Variants in RENBP observed in about 807,000 individuals in gnomAD.
RENBP encodes the protein renin binding protein.
RENBP carries 16 observed loss-of-function variants against 37.8 expected under a neutral mutation model. That is an observed-to-expected ratio of 0.42 (90% CI 0.29 to 0.64). RENBP has a LOEUF of 0.64. RENBP is among the 30% of genes least tolerant of loss of function. The pLI is 0.19. For missense variants in RENBP, 347 were observed against 379.5 expected (o/e 0.91, Z 0.71); for synonymous variants, 170 against 154.8 (o/e 1.10, Z -0.73).
chrX:153,939,959 G>T (rs782582701), intron 9 of RENBP, 143 bp downstream of exon 9: 6 of 759,181 alleles, frequency 7.9e-6, no homozygotes, highest in Non-Finnish European at 9.6e-6. Flanking sequence ...CTTCTTCGTT[G>T]ACTGAACGAA....
Position 153,943,650 on chromosome X carries a change from G to A in RENBP, c.358C>T (p.Arg120Trp), listed in dbSNP as rs781907475. The A allele has an allele frequency of 2.5e-6, 3 of 1,211,479 alleles. No individual in the cohort carries two copies. Among genetic ancestry groups the A allele is most frequent in the South Asian group, 1.8e-5 (1 of 57,048 alleles). ...PGKKCAFVLT[R>W]DGRPVKVQRT... ...TGCACCTTGACCGGGCGGCCGTCCC[G>A]AGTCAGCACAAAGGCACACTTCTTG... The change falls in exon 5 of 11, where the codon CGG becomes TGG. Residue 120 changes from arginine to tryptophan, a missense_variant. Physicochemically the swap from Arg to Trp is moderately radical, Grantham distance 101 (BLOSUM62 -3). Around this residue, in one of 3 missense-constraint regions of RENBP, gnomAD observed 244 missense variants for 279.4 expected, o/e 0.87. Coordinates refer to ENST00000393700, the MANE Select transcript of RENBP (RefSeq NM_002910.6).
chrX:153,944,538 C>T (rs1557110269), intron 1 of RENBP, 46 bp downstream of exon 1: 2 of 1,171,100 alleles, frequency 1.7e-6, no homozygotes, highest in African/African-American at 1.8e-5. Context: ...TCACCATCCC[C>T]GGGACCCTCC....
intron 8 of RENBP, among the ~76,000 whole-genome samples, chrX:153,940,829 T>C (rs955391392): frequency 7.2e-5 from 8 of 111,653 alleles, no homozygotes; most frequent in Admixed American, 5.7e-4. Context: ...TAGCATATCA[T>C]CAAGAAATAA....
chrX:153,944,015 T>C (rs1225037982), intron 3 of RENBP, 45 bp from the exon 4 acceptor site: 2 of 1,200,863 alleles, frequency 1.7e-6, no homozygotes, highest in African/African-American at 3.5e-5. Flanking sequence ...CCGGCTGGGG[T>C]GAGGTGGGGA....
intron 8 of RENBP, 131 bp from the exon 9 acceptor site, chrX:153,940,364 C>A: frequency 6.4e-6 from 5 of 784,560 alleles, no homozygotes; most frequent in East Asian, 6.7e-5. Context: ...TCTGAAGGAC[C>A]CCTCCCAGTG....
intron 9 of RENBP, among the ~76,000 whole-genome samples, chrX:153,939,316 G>A (rs1023505640): frequency 1.1e-4 from 12 of 111,771 alleles, no homozygotes; most frequent in African/African-American, 2.9e-4. Context: ...TGAAGTCCTC[G>A]GTTCAAGCGA....
chrX:153,943,828 G>A (rs1351147789), intron 4 of RENBP, 67 bp downstream of exon 4: 16 of 1,167,406 alleles, frequency 1.4e-5, no homozygotes, highest in Non-Finnish European at 1.8e-5. Context: ...TAGGAACTCC[G>A]CACATGTGCC....
chrX:153,938,956 G>A (rs1165838027), intron 9 of RENBP, among the ~76,000 whole-genome samples: 1 of 107,491 alleles, frequency 9.3e-6, no homozygotes, highest in Non-Finnish European at 1.9e-5. Flanking sequence ...ACCACGCTTG[G>A]CTAATTTTTG....
chrX:153,935,984 C>G (rs781940816), intron 9 of RENBP: 1 of 205,062 alleles, frequency 4.9e-6, no homozygotes, highest in African/African-American at 3.1e-5. Flanking sequence ...ACAAAATTAG[C>G]CGGACGTGGT....
At chrX:153,938,175 G>A (rs191777761) in intron 9 of RENBP, among the ~76,000 whole-genome samples, 1 of 112,728 alleles carries the variant, frequency 8.9e-6, no homozygotes, top group East Asian at 2.8e-4. Flanking sequence ...AGATATAGCT[G>A]CAGGTCTAAC....
rs1603292153 is a variant in RENBP at position 153,941,860 on chromosome X, C to T, written c.769+90G>A. ...CGCTCCTCTGCCTCCTCAAGGCGCCCCCGCCAGGCACTCCCATATCTGAAG... is the reference window on the plus strand; with the variant it reads ...CGCTCCTCTGCCTCCTCAAGGCGCCTCCGCCAGGCACTCCCATATCTGAAG... On this transcript the variant is annotated intron_variant, in intron 7 of 10. Transcript: ENST00000393700. 3 of 896,620 alleles carry T rather than the reference C, an allele frequency of 3.3e-6. No individual in the cohort carries two copies. The East Asian group carries it at 9.3e-5, about 28-fold the overall frequency. 73.9% of individuals were successfully genotyped at this position (896,620 alleles called of 1,213,427 possible).
At chrX:153,939,337 T>C in intron 9 of RENBP, among the ~76,000 whole-genome samples, 1 of 112,192 alleles carries the variant, frequency 8.9e-6, no homozygotes, top group East Asian at 2.8e-4. Flanking sequence ...TCCTCCCGTC[T>C]CAGCCTGCCA....
At chrX:153,942,601 T>G in intron 6 of RENBP, 1 of 403,504 alleles carries the variant, frequency 2.5e-6, no homozygotes, top group East Asian at 4.3e-5. Flanking sequence ...GGGTGAAACA[T>G]TGAATGGGGA....
chrX:153,935,492 T>C lies in RENBP; in HGVS notation c.1162A>G (p.Lys388Glu). Residue 388 changes from lysine (K) to glutamate (E), a missense_variant, in exon 10 of 11, where the codon AAA becomes GAA. Coordinates refer to ENST00000393700, the MANE Select transcript of RENBP (RefSeq NM_002910.6). ...VALSIKGGPFKGCFHVPRCLA... is the reference protein window; with the variant it reads ...VALSIKGGPFEGCFHVPRCLA... ...CCCCGCCCTCTCCCCCACTCACCTT[T>C]GAAAGGACCTCCCTTGATGGAGAGG... 1 of 1,206,635 alleles carries C rather than the reference T, an allele frequency of 8.3e-7. No individual in the cohort carries two copies. The highest frequency in any genetic ancestry group is 1.1e-6 in the Non-Finnish European group (1 of 891,452).
At chrX:153,940,365 C>A in intron 8 of RENBP, 132 bp from the exon 9 acceptor site, 2 of 769,094 alleles carry the variant, frequency 2.6e-6, no homozygotes, top group East Asian at 6.7e-5. Flanking sequence ...CTGAAGGACC[C>A]CTCCCAGTGA....
rs782754400 is a variant in RENBP, at chrX:153,943,040, C to T, written c.502G>A (p.Val168Met). The T allele has an allele frequency of 5.1e-5, 61 of 1,189,629 alleles. No individual in the cohort carries two copies. The highest frequency in any genetic ancestry group is 3.1e-4 in the South Asian group (17 of 54,502). Residue 168 changes from valine to methionine, a missense_variant, in exon 6 of 11, where the codon GTG becomes ATG. Val to Met is a conservative substitution (Grantham distance 21). This residue lies in a region of RENBP where 244 missense variants were observed against 279.4 expected (regional missense o/e 0.87). Transcript: ENST00000393700. ...CCCAGTCCCGACGCGTCCTCCTGCACCCAGTGGACGATCTGATCCATCATC... is the reference window on the plus strand; with the variant it reads ...CCCAGTCCCGACGCGTCCTCCTGCATCCAGTGGACGATCTGATCCATCATC... ...VEMMDQIVHW[V>M]QEDASGLGRP...
Position 153,943,927 on chromosome X carries a change from C to T in RENBP, c.257G>A (p.Arg86His), listed in dbSNP as rs374974369. ...CRLYRTFERF[R>H]HAQLLDAAKA... ...TGCTGCGTCCAGAAGCTGAGCATGGCGGAAGCGCTCGAAAGTGCGGTACAG... is the reference window on the plus strand; with the variant it reads ...TGCTGCGTCCAGAAGCTGAGCATGGTGGAAGCGCTCGAAAGTGCGGTACAG... The change falls in exon 4 of 11, where the codon CGC becomes CAC. Residue 86 changes from arginine to histidine, a missense_variant. Physicochemically the swap from Arg to His is conservative, Grantham distance 29 (BLOSUM62 0). Transcript: ENST00000393700. The T allele has an allele frequency of 5.2e-5, 61 of 1,183,224 alleles. No homozygotes were observed. Among genetic ancestry groups the T allele is most frequent in the African/African-American group, 7.1e-5 (4 of 56,661 alleles).
Position 153,943,024 on chromosome X carries a change from G to A in RENBP, c.518C>T (p.Ser173Leu), listed in dbSNP as rs913059116. Residue 173 changes from serine to leucine, a missense_variant, in exon 6 of 11, where the codon TCG becomes TTG. By Grantham distance (145) the Ser-to-Leu change is moderately radical. Around this residue, in one of 3 missense-constraint regions of RENBP, gnomAD observed 244 missense variants for 279.4 expected, o/e 0.87. Transcript: ENST00000393700. Reference sequence around the variant, plus strand: ...CTGGAGCTGGGGCCGGCCCAGTCCCGACGCGTCCTCCTGCACCCAGTGGAC... The same window carrying A: ...CTGGAGCTGGGGCCGGCCCAGTCCCAACGCGTCCTCCTGCACCCAGTGGAC... Reference protein sequence around the residue: ...QIVHWVQEDASGLGRPQLQGA... With the variant: ...QIVHWVQEDALGLGRPQLQGA... 4 of 1,202,469 alleles carry A rather than the reference G, an allele frequency of 3.3e-6. No homozygotes were observed. The highest frequency in any genetic ancestry group is 3.0e-5 in the East Asian group (1 of 33,638).
chrX:153,937,886 C>T (rs1165674731), intron 9 of RENBP, among the ~76,000 whole-genome samples: 6 of 110,850 alleles, frequency 5.4e-5, no homozygotes, highest in Non-Finnish European at 1.1e-4. Flanking sequence ...TGAGCCACCG[C>T]GACCAGCCCA....
Sources: allele counts gnomAD v4.1 joint callset (sites outside exome capture counted in the v4.1 genomes callset), GRCh38; gene constraint gnomAD v4.1.1; regional missense constraint gnomAD v4.1.1; transcripts MANE v1.5; gene names NCBI Gene and HGNC (gene_info 2026-07-23, HGNC 2026-07-21).